Variants in TTC28 observed in about 807,000 individuals in gnomAD.
TTC28 encodes the protein tetratricopeptide repeat domain 28.
In TTC28, 61 loss-of-function variants were observed where a neutral mutation model predicts 198.0. That is an observed-to-expected ratio of 0.31 (90% confidence interval 0.25 to 0.38). The LOEUF is 0.38. Among genes scored for constraint, TTC28 ranks in the 10% least tolerant of loss-of-function variants. The pLI, the probability that TTC28 is intolerant of heterozygous loss-of-function variation, is 1.00. For synonymous variants in TTC28, 1,171 were observed against 1,297.8 expected, an observed-to-expected ratio of 0.90 and a Z score of 2.10; for missense variants, 2,678 against 3,164.0, an observed-to-expected ratio of 0.85 and a Z score of 3.69.
intron 13 of TTC28, among the ~76,000 whole-genome samples, chr22:28,021,721 T>C (rs1267601569): frequency 6.6e-6 from 1 of 152,174 alleles, no homozygotes; most frequent in East Asian, 1.9e-4. Context: ...CCTTTCTGCC[T>C]CTTCCCTGTG....
At chr22:28,626,527 T>C (rs1216069291) in intron 2 of TTC28, among the ~76,000 whole-genome samples, 4 of 152,076 alleles carry the variant, frequency 2.6e-5, no homozygotes, top group Non-Finnish European at 5.9e-5. Flanking sequence ...TTTCACCAGA[T>C]ATACATTTAT....
intron 5 of TTC28, among the ~76,000 whole-genome samples, chr22:28,171,377 T>A (rs1202686598): frequency 6.6e-6 from 1 of 152,160 alleles, no homozygotes; most frequent in African/African-American, 2.4e-5. Context: ...CTGTTACACA[T>A]GGGCAAGTAA....
chr22:28,160,083 G>A (rs1470579490), intron 6 of TTC28, among the ~76,000 whole-genome samples: 1 of 152,178 alleles, frequency 6.6e-6, no homozygotes, highest in Non-Finnish European at 1.5e-5. Flanking sequence ...GCACTGCAGG[G>A]AGAGGTGGGA....
chr22:28,083,440 CA>C (rs1941439376), intron 12 of TTC28, among the ~76,000 whole-genome samples: 1 of 152,100 alleles, frequency 6.6e-6, no homozygotes, highest in South Asian at 2.1e-4. Context: ...AGTCAAATTA[CA>C]AAAAAGTTTC....
chr22:28,418,777 T>C (rs1348046262), intron 2 of TTC28, among the ~76,000 whole-genome samples: 1 of 152,230 alleles, frequency 6.6e-6, no homozygotes, highest in Non-Finnish European at 1.5e-5. Flanking sequence ...CAAACATCAA[T>C]ACCACTTGAA....
At chr22:28,660,349 G>A (rs567277405) in intron 1 of TTC28, among the ~76,000 whole-genome samples, 7 of 151,922 alleles carry the variant, frequency 4.6e-5, no homozygotes, top group South Asian at 2.1e-4. Context: ...TTTTAGAGAC[G>A]GAGTCTCGCT....
intron 2 of TTC28, among the ~76,000 whole-genome samples, chr22:28,356,822 A>G (rs897564345): frequency 1.3e-5 from 2 of 152,182 alleles, no homozygotes; most frequent in African/African-American, 4.8e-5. Flanking sequence ...CACATGCTCC[A>G]TTATCTGAAT....
intron 1 of TTC28, among the ~76,000 whole-genome samples, chr22:28,637,658 T>C (rs1382571895): frequency 1.3e-5 from 2 of 151,966 alleles, no homozygotes; most frequent in Non-Finnish European, 2.9e-5. Context: ...TCCTTACCTA[T>C]CAATAATTAC....
chr22:28,293,521 T>C (rs113639335), intron 5 of TTC28, among the ~76,000 whole-genome samples: 10 of 152,196 alleles, frequency 6.6e-5, no homozygotes, highest in African/African-American at 2.2e-4. Flanking sequence ...GTTTCAGTTA[T>C]GTAGGATAAA....
At chr22:28,181,797 G>C (rs990168208) in intron 5 of TTC28, among the ~76,000 whole-genome samples, 1 of 152,108 alleles carries the variant, frequency 6.6e-6, no homozygotes, top group African/African-American at 2.4e-5. Flanking sequence ...GTTTACCAAA[G>C]ACTGCCTTCT....
intron 1 of TTC28, among the ~76,000 whole-genome samples, chr22:28,675,780 A>T (rs2051975817): frequency 7.0e-6 from 1 of 142,710 alleles, no homozygotes; most frequent in African/African-American, 2.6e-5. Context: ...CACACAATGT[A>T]AAAAGAGGCA....
intron 2 of TTC28, among the ~76,000 whole-genome samples, chr22:28,344,407 A>G (rs2045876761): frequency 6.6e-6 from 1 of 152,064 alleles, no homozygotes; most frequent in South Asian, 2.1e-4. Context: ...AGACATGACA[A>G]ATACCTTATT....
intron 12 of TTC28, among the ~76,000 whole-genome samples, chr22:28,086,188 A>G (rs935993375): frequency 6.6e-6 from 1 of 152,042 alleles, no homozygotes; most frequent in Non-Finnish European, 1.5e-5. Context: ...AGAACTCTCC[A>G]CCCCAAATCA....
chr22:28,356,136 A>G (rs2046074149), intron 2 of TTC28, among the ~76,000 whole-genome samples: 1 of 152,124 alleles, frequency 6.6e-6, no homozygotes. Context: ...ACACATAAAC[A>G]TGTTCTGTTC....
intron 1 of TTC28, among the ~76,000 whole-genome samples, chr22:28,662,304 A>C (rs908158735): frequency 6.6e-6 from 1 of 152,206 alleles, no homozygotes; most frequent in Non-Finnish European, 1.5e-5. Context: ...AAAGGTAGTT[A>C]TAATTGATCA....
intron 13 of TTC28, among the ~76,000 whole-genome samples, chr22:28,015,516 G>A (rs1938335387): frequency 6.6e-6 from 1 of 151,534 alleles, no homozygotes; most frequent in Non-Finnish European, 1.5e-5. Context: ...TCAACCTCCT[G>A]GGCCCAAGTG....
At chr22:28,147,680 A>G (rs1210694471) in intron 6 of TTC28, among the ~76,000 whole-genome samples, 1 of 152,222 alleles carries the variant, frequency 6.6e-6, no homozygotes, top group Non-Finnish European at 1.5e-5. Context: ...TGATTTCTAA[A>G]CAGGAATAAT....
At chr22:28,191,361 A>T (rs1924727699) in intron 5 of TTC28, among the ~76,000 whole-genome samples, 1 of 152,232 alleles carries the variant, frequency 6.6e-6, no homozygotes, top group Non-Finnish European at 1.5e-5. Context: ...TCCCAGGGTG[A>T]GCAACACAGA....
chr22:27,992,407 G>C, intron 19 of TTC28, 180 bp downstream of exon 19: 1 of 654,572 alleles, frequency 1.5e-6, no homozygotes. Flanking sequence ...GGAAACAGCA[G>C]GTAAACAGCA....
Sources: gnomAD v4.1 joint callset for allele counts (sites outside exome capture counted in the v4.1 genomes callset) on GRCh38, gnomAD v4.1.1 for gene constraint, MANE v1.5 for transcripts, NCBI Gene and HGNC (gene_info 2026-07-23, HGNC 2026-07-21) for gene names.